USH2A: variants seen among roughly 807,000 people sequenced by gnomAD.
The protein encoded by USH2A is usherin.
Under a neutral mutation model 538.9 loss-of-function variants are expected in USH2A, and 443 were observed. That is an observed-to-expected ratio of 0.82 (90% CI 0.76 to 0.89). The LOEUF (loss-of-function observed/expected upper bound fraction) is 0.89. Ranked by LOEUF, USH2A falls within the 40% of genes least tolerant of loss-of-function variation. USH2A has a pLI of 0.00. For missense variants in USH2A, 6,633 were observed against 6,324.8 expected (o/e 1.05, Z -1.65); for synonymous variants, 2,413 against 2,273.5 (o/e 1.06, Z -1.75).
At chr1:215,864,815 C>T (rs1363129208) in intron 44 of USH2A, among the ~76,000 whole-genome samples, 1 of 152,002 alleles carries the variant, frequency 6.6e-6, no homozygotes, top group East Asian at 1.9e-4. Flanking sequence ...ATGTTTAAAA[C>T]TGGCCCTTCA....
chr1:215,681,283 T>C (rs1658220773), intron 61 of USH2A, among the ~76,000 whole-genome samples: 1 of 152,002 alleles, frequency 6.6e-6, no homozygotes, highest in Non-Finnish European at 1.5e-5. Context: ...GTAGGAATTA[T>C]GTATGCAAGT....
At chr1:216,069,632 C>T (rs1021297307) in intron 30 of USH2A, among the ~76,000 whole-genome samples, 3 of 152,104 alleles carry the variant, frequency 2.0e-5, no homozygotes, top group East Asian at 1.9e-4. Context: ...TGTGAGAAAT[C>T]GATTCACTGA....
chr1:216,050,615 T>C lies in USH2A; in HGVS notation c.6050-1968A>G, dbSNP rs78662494. On this transcript the variant is annotated intron_variant, in intron 30 of 71. Coordinates refer to ENST00000307340, the MANE Select transcript of USH2A (RefSeq NM_206933.4). ...TTCTTTCTTTCTTTCTTTTTTTTTT[T>C]TTTTTTTGAGACAGAGTCTCGCTCA... Among the ~76,000 whole-genome samples the C allele has an allele frequency of 8.1e-3, 861 of 105,784 alleles. 15 individuals carry two copies. The highest frequency in any genetic ancestry group is 0.026 in the African/African-American group (822 of 31,670). The allele number at this position is 105,784 out of a possible 152,430, so 69.4% of individuals were successfully genotyped here.
intron 21 of USH2A, among the ~76,000 whole-genome samples, chr1:216,100,311 A>G (rs1303574489): frequency 3.3e-5 from 5 of 152,194 alleles, no homozygotes; most frequent in Admixed American, 6.5e-5. Context: ...TGGGAGACAT[A>G]TAAATTAATT....
chr1:215,983,516 A>G (rs1373057257), intron 35 of USH2A, among the ~76,000 whole-genome samples: 1 of 152,146 alleles, frequency 6.6e-6, no homozygotes, highest in African/African-American at 2.4e-5. Flanking sequence ...GTATTGAAAC[A>G]AAGTTTAAGA....
At chr1:215,718,483 A>AATGTTAAT (rs1201292021) in intron 61 of USH2A, among the ~76,000 whole-genome samples, 1 of 152,170 alleles carries the variant, frequency 6.6e-6, no homozygotes, top group Non-Finnish European at 1.5e-5. Context: ...TTACTCTATC[A>AATGTTAAT]ATGTTAATGG....
intron 4 of USH2A, among the ~76,000 whole-genome samples, chr1:216,333,326 T>C (rs2037905510): frequency 6.6e-6 from 1 of 151,454 alleles, no homozygotes; most frequent in Non-Finnish European, 1.5e-5. Context: ...AAATGAAAAA[T>C]TCACTAGAGG....
Position 215,852,563 on chromosome 1 carries a change from TG to T in USH2A, c.8846-6531del, listed in dbSNP as rs756614306. On this transcript the variant is annotated intron_variant, in intron 44 of 71. Coordinates refer to ENST00000307340, the MANE Select transcript of USH2A (RefSeq NM_206933.4). ...AGTCTTAACTCATTTCAGCATTAAC[TG>T]AAAAGTCCACAGACCAAAGTCTCAT... Among the ~76,000 whole-genome samples the T allele has an allele frequency of 2.6e-5, 4 of 152,142 alleles. No individual in the cohort carries two copies. The South Asian group carries it at 8.3e-4, about 32-fold the overall frequency.
At chr1:215,798,330 T>A (rs1257303766) in intron 50 of USH2A, among the ~76,000 whole-genome samples, 1 of 152,202 alleles carries the variant, frequency 6.6e-6, no homozygotes, top group Non-Finnish European at 1.5e-5. Context: ...CTTCCCAAAA[T>A]CTGGATCTGA....
chr1:216,059,005 C>T (rs533854516), intron 30 of USH2A, among the ~76,000 whole-genome samples: 83 of 152,050 alleles, frequency 5.5e-4, no homozygotes, highest in African/African-American at 1.8e-3. Context: ...GCAGTTTTAG[C>T]AACTATGGAG....
intron 32 of USH2A, among the ~76,000 whole-genome samples, chr1:216,008,262 CT>C (rs1379371000): frequency 1.3e-5 from 2 of 151,960 alleles, no homozygotes; most frequent in Non-Finnish European, 2.9e-5. Context: ...TGAAAATGGC[CT>C]GTTCCTGCCT....
At chr1:215,928,161 A>G (rs1558166003) in intron 38 of USH2A, among the ~76,000 whole-genome samples, 1 of 152,236 alleles carries the variant, frequency 6.6e-6, no homozygotes, top group East Asian at 1.9e-4. Flanking sequence ...AGAATACCCA[A>G]GGCCTAGATT....
intron 3 of USH2A, among the ~76,000 whole-genome samples, chr1:216,370,676 T>TCAAAAAAAAC (rs1558058398): frequency 1.7e-4 from 1 of 5,996 alleles, no homozygotes; most frequent in Admixed American, 2.0e-3. Context: ...AGACTCTGTC[T>TCAAAAAAAAC]CAAAAAAAAA....
intron 66 of USH2A, 137 bp downstream of exon 66, chr1:215,648,391 A>G: frequency 1.1e-6 from 1 of 879,506 alleles, no homozygotes; most frequent in Non-Finnish European, 1.9e-6. Context: ...ATATCTGTTC[A>G]ATAAGCAAGT....
chr1:215,693,998 T>A (rs776504842), intron 61 of USH2A, among the ~76,000 whole-genome samples: 2 of 152,208 alleles, frequency 1.3e-5, no homozygotes, highest in Non-Finnish European at 2.9e-5. Flanking sequence ...TTGTAACTCT[T>A]GATAAACACA....
At chr1:216,236,611 A>G (rs1283191784) in intron 13 of USH2A, among the ~76,000 whole-genome samples, 1 of 152,166 alleles carries the variant, frequency 6.6e-6, no homozygotes, top group African/African-American at 2.4e-5. Flanking sequence ...TGATCCCTTT[A>G]ACACTGAAAA....
At chr1:216,170,600 A>T (rs746250745) in intron 21 of USH2A, among the ~76,000 whole-genome samples, 3 of 152,064 alleles carry the variant, frequency 2.0e-5, no homozygotes, top group Non-Finnish European at 4.4e-5. Context: ...TGGCATCTGG[A>T]TACTACAATA....
intron 21 of USH2A, among the ~76,000 whole-genome samples, chr1:216,146,689 A>C (rs1010465358): frequency 7.8e-4 from 119 of 151,936 alleles, no homozygotes; most frequent in Non-Finnish European, 1.6e-3. Flanking sequence ...CTGTGCCCCA[A>C]TCCCTTATTT....
At chr1:215,980,351 G>A (rs531289405) in intron 35 of USH2A, among the ~76,000 whole-genome samples, 8 of 152,196 alleles carry the variant, frequency 5.3e-5, no homozygotes, top group African/African-American at 1.2e-4. Flanking sequence ...GCTATGTGTC[G>A]GCACTGAAGC....
Sources: gnomAD v4.1 joint callset for allele counts (sites outside exome capture counted in the v4.1 genomes callset) on GRCh38, gnomAD v4.1.1 for gene constraint, MANE v1.5 for transcripts, NCBI Gene and HGNC (gene_info 2026-07-23, HGNC 2026-07-21) for gene names.